The following TLCD5 variants were observed in gnomAD, a reference collection of about 807,000 sequenced individuals.
TLCD5 encodes TLC domain-containing protein 5.
In TLCD5, 15 loss-of-function variants were observed where a neutral mutation model predicts 20.5. The ratio of observed to expected loss-of-function variants is 0.73; its 90% CI spans 0.49 to 1.13. The LOEUF (loss-of-function observed/expected upper bound fraction) is 1.13, where lower values mean the gene tolerates loss of function less well. TLCD5 is among the 50% of genes most tolerant of loss of function. The probability of loss-of-function intolerance (pLI) is 0.00; values close to 1 mark genes in which losing one functional copy is unlikely to be tolerated. For synonymous variants in TLCD5, 107 were observed against 114.7 expected, an observed-to-expected ratio of 0.93 and a Z score of 0.43; for missense variants, 289 against 305.6, an observed-to-expected ratio of 0.95 and a Z score of 0.41.
rs754811624 is a variant in TLCD5 at position 120,327,386 on chromosome 11, G to A, written c.-1-55G>A. 26 of 1,613,610 alleles carry A rather than the reference G, an allele frequency of 1.6e-5. No homozygotes were observed. In the East Asian group the frequency reaches 5.3e-4, roughly 33 times the overall value. ...GGATATATACACAAAATGACCCAGT[G>A]CTGTTTTCTTAGGGTGCATCCTTTG... On this transcript the variant is annotated intron_variant, in intron 1 of 2. Transcript: ENST00000375095.
rs200575431 is a variant in TLCD5 at position 120,330,232 on chromosome 11, A to G, written c.455A>G (p.Tyr152Cys). Residue 152 changes from tyrosine (Y) to cysteine (C), a missense_variant, in exon 3 of 3, where the codon TAT becomes TGT. Transcript: ENST00000375095. ...MRWFLRETGHYHSFTGDVVDF... is the reference protein window; with the variant it reads ...MRWFLRETGHCHSFTGDVVDF... Reference sequence around the variant, plus strand: ...TGGTTTCTCCGGGAAACAGGGCACTATCACAGTTTCACTGGAGATGTAGTG... The same window carrying G: ...TGGTTTCTCCGGGAAACAGGGCACTGTCACAGTTTCACTGGAGATGTAGTG... 6.3e-5 allele frequency: 98 copies of G among 1,554,028 alleles called. No homozygotes were observed. The highest frequency in any genetic ancestry group is 2.0e-4 in the Admixed American group (10 of 51,278).
intron 1 of TLCD5, among the ~76,000 whole-genome samples, chr11:120,326,721 T>C (rs1942009104): frequency 6.6e-6 from 1 of 152,218 alleles, no homozygotes; most frequent in Admixed American, 6.5e-5. Flanking sequence ...AACTGAATAA[T>C]TGCCTTAAGG....
At chr11:120,327,330 A>G (rs1201148275) in intron 1 of TLCD5, 111 bp from the exon 2 acceptor site, 3 of 1,555,704 alleles carry the variant, frequency 1.9e-6, no homozygotes, top group East Asian at 4.5e-5. Flanking sequence ...AGATAAGGCA[A>G]TATTTTTGAA....
intron 2 of TLCD5, 118 bp from the exon 3 acceptor site, chr11:120,329,859 G>A: frequency 2.0e-6 from 2 of 984,472 alleles, no homozygotes; most frequent in South Asian, 1.7e-5. Flanking sequence ...GCATGTGCCT[G>A]CTATTGTTTT....
Position 120,327,638 on chromosome 11 carries a change from C to CAGGT in TLCD5, c.199+6_199+9dup. 6.2e-7 allele frequency: 1 copy of CAGGT among 1,611,806 alleles called. No homozygotes were observed. Among genetic ancestry groups the CAGGT allele is most frequent in the Non-Finnish European group, 8.5e-7 (1 of 1,178,832 alleles). ...GATGGCCCATGGCCTTTTACCCACC[C>CAGGT]AGGTAGGTAGGGGATTTTCCCTTAG... On this transcript the variant is annotated frameshift_variant and splice_region_variant, in exon 2 of 3. Coordinates refer to ENST00000375095, the MANE Select transcript of TLCD5 (RefSeq NM_001198671.2). LOFTEE classifies it high-confidence loss of function.
chr11:120,330,046 G>A lies in TLCD5; in HGVS notation c.269G>A (p.Gly90Asp). ...LTLGYFIFDL[G>D]WCVYFQSEGA... is the part of the protein sequence containing the mutation. ...TTGGGCTACTTCATCTTCGACTTGG[G>A]CTGGTGCGTCTACTTTCAGTCTGAG... Residue 90 changes from glycine to aspartate, a missense_variant, in exon 3 of 3, where the codon GGC becomes GAC. Gly to Asp is a moderately conservative substitution (Grantham distance 94, BLOSUM62 -1). Coordinates refer to ENST00000375095, the MANE Select transcript of TLCD5 (RefSeq NM_001198671.2). 6.2e-7 allele frequency: 1 copy of A among 1,614,120 alleles called. No homozygotes were observed. The highest frequency in any genetic ancestry group is 8.5e-7 in the Non-Finnish European group (1 of 1,180,038).
chr11:120,327,167 A>C (rs1164426068), intron 1 of TLCD5: 1 of 588,398 alleles, frequency 1.7e-6, no homozygotes, highest in East Asian at 2.8e-5. Flanking sequence ...CTCATCATAA[A>C]ATGTGATGTC....
Position 120,330,686 on chromosome 11 carries a change from TAA to T in TLCD5, c.*172_*173del. ...CGAGCATATACCAGTATTAAAACAC[TAA>T]CTTCTACAGTAGCACAGTTGTAGAA... is the stretch of plus-strand genomic sequence containing the variant. On this transcript the variant is annotated 3_prime_UTR_variant, in exon 3 of 3. Transcript: ENST00000375095. The T allele has an allele frequency of 1.5e-6, 1 of 680,702 alleles. No individual in the cohort carries two copies. The highest frequency in any genetic ancestry group is 2.4e-6 in the Non-Finnish European group (1 of 420,174). The allele number at this position is 680,702 out of a possible 1,614,324, so 42.2% of individuals were successfully genotyped here.
chr11:120,330,164 CCT>C lies in TLCD5; in HGVS notation c.390_391del (p.Phe131TrpfsTer3). 1 of 1,601,174 alleles carries C rather than the reference CCT, an allele frequency of 6.2e-7. No individual in the cohort carries two copies. Among genetic ancestry groups the C allele is most frequent in the Non-Finnish European group, 8.5e-7 (1 of 1,172,882 alleles). ...GESGTEVNAV[L>X]FGSELTNPLL... ...AGTCTGGCACAGAGGTCAATGCAGT[CCT>C]CTTTGGAAGTGAGCTTACCAACCCC... On this transcript the variant is annotated frameshift_variant, in exon 3 of 3. Coordinates refer to ENST00000375095, the MANE Select transcript of TLCD5 (RefSeq NM_001198671.2). LOFTEE classifies it high-confidence loss of function.
At chr11:120,329,004 AGTGT>A (rs71301641) in intron 2 of TLCD5, among the ~76,000 whole-genome samples, 1 of 7,544 alleles carries the variant, frequency 1.3e-4, no homozygotes, top group Non-Finnish European at 2.9e-4. Context: ...TAACAGTCAT[AGTGT>A]GTGTGTGTGT....
rs147070090 is a variant in TLCD5, at chr11:120,330,481, A to T, written c.704A>T (p.Gln235Leu). The change falls in exon 3 of 3, where the codon CAG becomes CTG. Residue 235 changes from glutamine (Q) to leucine (L), a missense_variant. Gln to Leu is a moderately radical substitution (Grantham distance 113). Transcript: ENST00000375095. Reference sequence around the variant, plus strand: ...AGAAGCAGGCGGAGTGAGGAACGGCAGCTGAAACACAACGGACATCTCAAA... The same window carrying T: ...AGAAGCAGGCGGAGTGAGGAACGGCTGCTGAAACACAACGGACATCTCAAA... Reference protein sequence around the residue: ...AWRSRRSEERQLKHNGHLKIH With the variant: ...AWRSRRSEERLLKHNGHLKIH 1.2e-6 allele frequency: 2 copies of T among 1,613,880 alleles called. No homozygotes were observed. The highest frequency in any genetic ancestry group is 1.7e-6 in the Non-Finnish European group (2 of 1,179,950).
Position 120,330,215 on chromosome 11 carries a change from C to T in TLCD5, c.438C>T (p.Leu146=), listed in dbSNP as rs1258895181. Residue 146 remains leucine (L), a synonymous_variant, in exon 3 of 3, where the codon CTC becomes CTT. Coordinates refer to ENST00000375095, the MANE Select transcript of TLCD5 (RefSeq NM_001198671.2). ...CCTTGCTACAGATGCGCTGGTTTCT[C>T]CGGGAAACAGGGCACTATCACAGTT... is the stretch of plus-strand genomic sequence containing the variant. ...TNPLLQMRWF[L]RETGHYHSFT... The T allele has an allele frequency of 1.9e-6, 3 of 1,558,216 alleles. No homozygotes were observed. The highest frequency in any genetic ancestry group is 2.6e-6 in the Non-Finnish European group (3 of 1,151,442).
rs557978839 is a variant in TLCD5, at chr11:120,333,120, G to A, written c.*2605G>A. 6.6e-6 allele frequency: 1 copy of A among 151,690 alleles called. No individual in the cohort carries two copies. The highest frequency in any genetic ancestry group is 2.1e-4 in the South Asian group (1 of 4,810). 9.4% of individuals were successfully genotyped at this position (151,690 alleles called of 1,614,324 possible). On this transcript the variant is annotated 3_prime_UTR_variant, in exon 3 of 3. Transcript: ENST00000375095. This position sits in a 1 kb window ranked among gnomAD's most constrained non-coding sequence, Gnocchi z 4.5. ...TCTTTCCAACAAAATTGCGGTCAAAGTAGGATGCTGGGGAATGCTGATTTT... is the reference window on the plus strand; with the variant it reads ...TCTTTCCAACAAAATTGCGGTCAAAATAGGATGCTGGGGAATGCTGATTTT...
intron 1 of TLCD5, among the ~76,000 whole-genome samples, chr11:120,325,827 A>G (rs1941985635): frequency 6.6e-6 from 1 of 152,284 alleles, no homozygotes; most frequent in South Asian, 2.1e-4. Flanking sequence ...CCAAGGTCAC[A>G]GAGTTGTGTC....
chr11:120,327,476 G>A lies in TLCD5; in HGVS notation c.35G>A (p.Ser12Asn), dbSNP rs1271683528. 6.2e-7 allele frequency: 1 copy of A among 1,614,220 alleles called. No homozygotes were observed. Among genetic ancestry groups the A allele is most frequent in the Non-Finnish European group, 8.5e-7 (1 of 1,180,030 alleles). ...GCTCTGTGTCTGCAGGTGCTGTGCAGCCTGTGTGGCTGGCTCTCGCTCTAT... is the reference window on the plus strand; with the variant it reads ...GCTCTGTGTCTGCAGGTGCTGTGCAACCTGTGTGGCTGGCTCTCGCTCTAT... ...ALALCLQVLC[S>N]LCGWLSLYIS... Residue 12 changes from serine to asparagine, a missense_variant, in exon 2 of 3, where the codon AGC becomes AAC. By Grantham distance (46) the Ser-to-Asn change is conservative. Coordinates refer to ENST00000375095, the MANE Select transcript of TLCD5 (RefSeq NM_001198671.2).
rs1248405031 is a variant in TLCD5, at chr11:120,333,652, AT to A, written c.*3141del. ...TATATTTCCATAAGATTTGTACTAA[AT>A]TTTATAAAAGTAAAACAACTTTTTA... On this transcript the variant is annotated 3_prime_UTR_variant, in exon 3 of 3. Coordinates refer to ENST00000375095, the MANE Select transcript of TLCD5 (RefSeq NM_001198671.2). The surrounding 1 kb of genome is among the most constrained non-coding windows in gnomAD (Gnocchi z 4.5). 2.6e-5 allele frequency: 4 copies of A among 152,186 alleles called. No individual in the cohort carries two copies. Among genetic ancestry groups the A allele is most frequent in the African/African-American group, 9.6e-5 (4 of 41,452 alleles). The allele number at this position is 152,186 out of a possible 1,614,324, so 9.4% of individuals were successfully genotyped here.
In TLCD5 at chr11:120,330,535, A is replaced by G. The variant is rs750249585; in HGVS notation, c.*20A>G. ...CACTAGCCAAGGCTTGCTCCAGATT[A>G]TGGATTGGGTTAAGTCAGCCATGGG... On this transcript the variant is annotated 3_prime_UTR_variant, in exon 3 of 3. Transcript: ENST00000375095. 1.9e-6 allele frequency: 3 copies of G among 1,593,328 alleles called. No individual in the cohort carries two copies. In the African/African-American group the frequency reaches 4.0e-5, roughly 21 times the overall value.
chr11:120,330,518 A>G lies in TLCD5; in HGVS notation c.*3A>G. The G allele has an allele frequency of 1.2e-6, 2 of 1,604,728 alleles. No individual in the cohort carries two copies. Among genetic ancestry groups the G allele is most frequent in the Admixed American group, 1.7e-5 (1 of 59,720 alleles). On this transcript the variant is annotated 3_prime_UTR_variant, in exon 3 of 3. Transcript: ENST00000375095. The stretch of plus-strand genomic sequence containing the variant: ...ACGGACATCTCAAAATACACTAGCC[A>G]AGGCTTGCTCCAGATTATGGATTGG...
At chr11:120,327,119 AAGGTCAGTCATCGCT>A in intron 1 of TLCD5, 1 of 495,020 alleles carries the variant, frequency 2.0e-6, no homozygotes, top group South Asian at 2.6e-5. Context: ...ATTATTGCCC[AAGGTCAGTCATCGCT>A]AGAGGGTTAT....
Sources: allele counts gnomAD v4.1 joint callset (sites outside exome capture counted in the v4.1 genomes callset), GRCh38; gene constraint gnomAD v4.1.1; non-coding constraint Gnocchi (gnomAD v3.1); transcripts MANE v1.5; gene names NCBI Gene and HGNC (gene_info 2026-07-23, HGNC 2026-07-21).